MTHFD1L: variants seen among roughly 807,000 people sequenced by gnomAD.
MTHFD1L encodes monofunctional C1-tetrahydrofolate synthase, mitochondrial.
MTHFD1L carries 81 observed loss-of-function variants against 119.5 expected under a neutral mutation model. The observed-to-expected ratio is 0.68, with a 90% CI of 0.57 to 0.82. MTHFD1L has a LOEUF of 0.82. MTHFD1L is among the 40% of genes least tolerant of loss of function. The pLI is 0.00. For missense variants in MTHFD1L, 1,125 were observed against 1,253.4 expected (o/e 0.90, Z 1.55); for synonymous variants, 430 against 475.2 (o/e 0.90, Z 1.24).
intron 7 of MTHFD1L, among the ~76,000 whole-genome samples, chr6:150,892,645 C>T (rs1035460209): frequency 1.3e-5 from 2 of 152,200 alleles, no homozygotes; most frequent in African/African-American, 2.4e-5. Context: ...ACCTGGCCTA[C>T]CTACCTACGT....
At chr6:151,041,919 G>A (rs570413483) in intron 26 of MTHFD1L, 33 of 436,524 alleles carry the variant, frequency 7.6e-5, no homozygotes, top group African/African-American at 4.3e-4. Flanking sequence ...TCCAGATTTC[G>A]CTTCTAAATA....
rs1057075953 is a variant in MTHFD1L, at chr6:150,870,951, A to G, written c.227+4902A>G. 2.8e-5 allele frequency among the ~76,000 whole-genome samples: 4 copies of G among 142,052 alleles called. No individual in the cohort carries two copies. In the Admixed American group the frequency reaches 2.9e-4, roughly 10 times the overall value. The allele number at this position is 142,052 out of a possible 152,430, so 93.2% of individuals were successfully genotyped here. A position where few individuals can be genotyped will look rare whatever the true frequency, so the allele number is the denominator to read the frequency against. On this transcript the variant is annotated intron_variant, in intron 1 of 27. Transcript: ENST00000367321. ...CAAAACAAAAAAACCCAAAAAACAT[A>G]TATATATATATTATATATATAAAAT...
rs547890375 is a variant in MTHFD1L, at chr6:150,971,736, A to G, written c.2014-211A>G. ...TCTCACAGTTTTGTCTCTCAGGTTC[A>G]GCATTAAATGTAGAATAACATTTTT... On this transcript the variant is annotated intron_variant, in intron 19 of 27. Transcript: ENST00000367321. Among the ~76,000 whole-genome samples the G allele has an allele frequency of 1.5e-4, 23 of 152,350 alleles. No individual in the cohort carries two copies. The East Asian group carries it at 4.4e-3, about 29-fold the overall frequency.
chr6:150,955,927 AAT>A (rs1196038630), intron 16 of MTHFD1L, 66 bp from the exon 17 acceptor site: 1 of 1,373,096 alleles, frequency 7.3e-7, no homozygotes, highest in Non-Finnish European at 1.0e-6. Context: ...GCATCAGAAC[AAT>A]GCCAGACACA....
intron 24 of MTHFD1L, among the ~76,000 whole-genome samples, chr6:151,020,700 G>C: frequency 6.6e-6 from 1 of 152,186 alleles, no homozygotes; most frequent in Non-Finnish European, 1.5e-5. Context: ...CTCTACCCTT[G>C]AGGGTGATTG....
In MTHFD1L at chr6:150,945,510, A is replaced by G. The variant is rs748281067; in HGVS notation, c.1592A>G (p.Glu531Gly). 18 of 1,613,938 alleles carry G rather than the reference A, an allele frequency of 1.1e-5. No homozygotes were observed. Among genetic ancestry groups the G allele is most frequent in the Non-Finnish European group, 1.4e-5 (16 of 1,180,020 alleles). Residue 531 changes from glutamate (E) to glycine (G), a missense_variant, in exon 15 of 28, where the codon GAA (glutamate) becomes GGA (glycine). Coordinates refer to ENST00000367321, the MANE Select transcript of MTHFD1L (RefSeq NM_015440.5). ...GTTCCTTTAGTGAATGGTGTCAGAGAATTTTCAGAAATTCAGCTTGCTCGG... is the reference window on the plus strand; with the variant it reads ...GTTCCTTTAGTGAATGGTGTCAGAGGATTTTCAGAAATTCAGCTTGCTCGG... ...RLVPLVNGVR[E>G]FSEIQLARLK...
intron 19 of MTHFD1L, among the ~76,000 whole-genome samples, chr6:150,970,213 T>C (rs1249344908): frequency 6.6e-6 from 1 of 152,218 alleles, no homozygotes; most frequent in Non-Finnish European, 1.5e-5. Context: ...GAATATTGAT[T>C]GATTGATGCC....
chr6:151,086,239 C>T (rs1480717352), intron 26 of MTHFD1L, among the ~76,000 whole-genome samples: 1 of 152,140 alleles, frequency 6.6e-6, no homozygotes, highest in Non-Finnish European at 1.5e-5. Flanking sequence ...GCAACTGTAG[C>T]AGCACAATCT....
chr6:150,926,397 A>G lies in MTHFD1L; in HGVS notation c.1256+102A>G, dbSNP rs1789994669. On this transcript the variant is annotated intron_variant, in intron 11 of 27. Transcript: ENST00000367321. The surrounding 1 kb of genome is among the most constrained non-coding windows in gnomAD (Gnocchi z 4.3). ...ACCCCTCAATCCATCCTATTCTCAC[A>G]TTTGACATTTCGTCCATTTCATTTG... The G allele has an allele frequency of 3.7e-6, 4 of 1,081,422 alleles. No individual in the cohort carries two copies. Among genetic ancestry groups the G allele is most frequent in the Non-Finnish European group, 5.2e-6 (4 of 767,372 alleles). 67.0% of individuals were successfully genotyped at this position (1,081,422 alleles called of 1,614,324 possible).
At chr6:151,087,930 G>T (rs1482142584) in intron 26 of MTHFD1L, among the ~76,000 whole-genome samples, 4 of 152,182 alleles carry the variant, frequency 2.6e-5, no homozygotes, top group Non-Finnish European at 5.9e-5. Flanking sequence ...GTGTAATTTA[G>T]TGGCTCCTTA....
intron 16 of MTHFD1L, among the ~76,000 whole-genome samples, chr6:150,955,590 C>T (rs894152325): frequency 6.6e-6 from 1 of 151,352 alleles, no homozygotes; most frequent in African/African-American, 2.4e-5. Context: ...ACCTCCGCCT[C>T]CCAGGTTCAA....
At position 151,014,850 on chromosome 6, in the gene MTHFD1L, G is replaced by T. The variant is rs368132141; in HGVS notation, c.2308-30G>T. ...GTTTGGTGGGAGACAATACACAGGGGTCTGGGTTTTGCTTTTTTCTTTTTT... is the reference window on the plus strand; with the variant it reads ...GTTTGGTGGGAGACAATACACAGGGTTCTGGGTTTTGCTTTTTTCTTTTTT... On this transcript the variant is annotated intron_variant, in intron 22 of 27. Transcript: ENST00000367321. 6 of 1,587,566 alleles carry T rather than the reference G, an allele frequency of 3.8e-6. No homozygotes were observed. In the East Asian group the frequency reaches 6.7e-5, roughly 18 times the overall value.
At chr6:150,960,820 T>C (rs1322194369) in intron 18 of MTHFD1L, among the ~76,000 whole-genome samples, 2 of 152,164 alleles carry the variant, frequency 1.3e-5, no homozygotes, top group East Asian at 1.9e-4. Flanking sequence ...TCTGCTTCCA[T>C]GAACAGGAAG....
intron 26 of MTHFD1L, among the ~76,000 whole-genome samples, chr6:151,075,584 AAAATCAATAAG>A (rs1792412069): frequency 6.6e-6 from 1 of 152,242 alleles, no homozygotes; most frequent in Non-Finnish European, 1.5e-5. Flanking sequence ...AAGTAGAGTA[AAAATCAATAAG>A]GATTTAGAAG....
chr6:150,933,664 C>T (rs960372482), intron 11 of MTHFD1L, among the ~76,000 whole-genome samples: 2 of 152,138 alleles, frequency 1.3e-5, no homozygotes, highest in African/African-American at 2.4e-5. Flanking sequence ...CGACCACTCT[C>T]GGTCCTCATC....
chr6:151,019,058 G>A (rs148518986), intron 24 of MTHFD1L, among the ~76,000 whole-genome samples: 1 of 152,350 alleles, frequency 6.6e-6, no homozygotes, highest in African/African-American at 2.4e-5. Context: ...AGGCATTGAA[G>A]CCAACTCAGA....
chr6:151,041,670 T>C (rs1787127246), intron 26 of MTHFD1L: 1 of 405,106 alleles, frequency 2.5e-6, no homozygotes, highest in Admixed American at 3.3e-5. Flanking sequence ...ATTCAGTCCT[T>C]CCCTCACAGG....
At chr6:151,032,364 C>T (rs73008810) in intron 24 of MTHFD1L, among the ~76,000 whole-genome samples, 58 of 152,194 alleles carry the variant, frequency 3.8e-4, no homozygotes, top group East Asian at 9.7e-4. Flanking sequence ...ATGGCAAGAG[C>T]GGGAGCAAGA....
intron 17 of MTHFD1L, among the ~76,000 whole-genome samples, chr6:150,957,017 A>G (rs757100613): frequency 6.6e-6 from 1 of 152,228 alleles, no homozygotes; most frequent in Non-Finnish European, 1.5e-5. Context: ...ATGGAATTAG[A>G]TTGATGATTA....
Sources: allele counts gnomAD v4.1 joint callset (sites outside exome capture counted in the v4.1 genomes callset), GRCh38; gene constraint gnomAD v4.1.1; non-coding constraint Gnocchi (gnomAD v3.1); transcripts MANE v1.5; gene names NCBI Gene and HGNC (gene_info 2026-07-23, HGNC 2026-07-21).